SMTN: variants seen among roughly 807,000 people sequenced by gnomAD.
SMTN encodes the protein smoothelin.
In SMTN, 58 loss-of-function variants were observed where a neutral mutation model predicts 102.0. The observed-to-expected ratio is 0.57, with a 90% CI of 0.46 to 0.71. SMTN has a LOEUF of 0.71. Ranked by LOEUF, SMTN falls within the 30% of genes least tolerant of loss-of-function variation. The pLI is 0.00. For missense variants in SMTN, 1,185 were observed against 1,241.7 expected, an observed-to-expected ratio of 0.95 and a Z score of 0.69; for synonymous variants, 478 against 497.9, an observed-to-expected ratio of 0.96 and a Z score of 0.53.
chr22:31,087,995 C>T lies in SMTN; in HGVS notation c.82C>T (p.Arg28Trp), dbSNP rs760671053. ...GGTCACAGCAGATCTGGCAGAGCGGCGGCGCATCCGCTCAGCCATCCGGGA... is the reference window on the plus strand; with the variant it reads ...GGTCACAGCAGATCTGGCAGAGCGGTGGCGCATCCGCTCAGCCATCCGGGA... ...LEVTADLAER[R>W]RIRSAIRELQ... is the part of the protein sequence containing the mutation. The change falls in exon 3 of 21, where the codon CGG (arginine) becomes TGG (tryptophan). Residue 28 changes from arginine to tryptophan, a missense_variant. By Grantham distance (101) the Arg-to-Trp change is moderately radical. Transcript: ENST00000333137. 5.2e-5 allele frequency: 84 copies of T among 1,606,954 alleles called. No individual in the cohort carries two copies. The highest frequency in any genetic ancestry group is 6.7e-5 in the East Asian group (3 of 44,714).
At position 31,088,128 on chromosome 22, in the gene SMTN, G is replaced by T; in HGVS notation, c.200+15G>T. The stretch of plus-strand genomic sequence containing the variant: ...AACTGGCTGCAGTGAGTAGCGGGGG[G>T]TGGAACATGCGGGTGAGAAGGTGAG... On this transcript the variant is annotated intron_variant, in intron 3 of 20. Coordinates refer to ENST00000333137, the MANE Select transcript of SMTN (RefSeq NM_134269.3). 1 of 1,582,200 alleles carries T rather than the reference G, an allele frequency of 6.3e-7. No individual in the cohort carries two copies. Among genetic ancestry groups the T allele is most frequent in the Non-Finnish European group, 8.6e-7 (1 of 1,158,882 alleles).
At chr22:31,083,140 G>A in intron 1 of SMTN, 39 bp from the exon 2 acceptor site, 1 of 1,553,396 alleles carries the variant, frequency 6.4e-7, no homozygotes, top group Non-Finnish European at 8.7e-7. Flanking sequence ...GTGGTTTCTG[G>A]AAGCCCCAGC....
At chr22:31,104,292 C>T in intron 20 of SMTN, 24 bp from the exon 21 acceptor site, 1 of 1,611,932 alleles carries the variant, frequency 6.2e-7, no homozygotes, top group Non-Finnish European at 8.5e-7. Flanking sequence ...CGCTGACATC[C>T]AACCCCGTGC....
chr22:31,074,502 T>A (rs1285630455), intron 1 of SMTN, among the ~76,000 whole-genome samples: 1 of 150,652 alleles, frequency 6.6e-6, no homozygotes, highest in East Asian at 2.0e-4. Flanking sequence ...ATAAAACAGG[T>A]GCTGGGGCTG....
upstream of SMTN, among the ~76,000 whole-genome samples, chr22:31,076,784 C>T (rs1487617204): frequency 2.6e-5 from 4 of 152,254 alleles, no homozygotes; most frequent in Non-Finnish European, 5.9e-5. Flanking sequence ...TGCCAAGATT[C>T]AGGTGCTATG....
In SMTN at chr22:31,091,389, A is replaced by T; in HGVS notation, c.1366A>T (p.Ser456Cys). The T allele has an allele frequency of 6.3e-7, 1 of 1,597,634 alleles. No individual in the cohort carries two copies. Among genetic ancestry groups the T allele is most frequent in the Non-Finnish European group, 8.5e-7 (1 of 1,175,402 alleles). ...CGTCGGCACTGCCGAGCCAGGGGGC[A>T]GTATGAAGACCACATTCACCATCGA... Reference protein sequence around the residue: ...VAVGTAEPGGSMKTTFTIEIK... With the variant: ...VAVGTAEPGGCMKTTFTIEIK... Residue 456 changes from serine to cysteine, a missense_variant, in exon 10 of 21, where the codon AGT becomes TGT. Ser to Cys is a moderately radical substitution (Grantham distance 112, BLOSUM62 -1). Around this residue, in one of 2 missense-constraint regions of SMTN, gnomAD observed 1,096 missense variants for 1,112.7 expected, o/e 0.98. Coordinates refer to ENST00000333137, the MANE Select transcript of SMTN (RefSeq NM_134269.3).
At position 31,098,844 on chromosome 22, in the gene SMTN, A is replaced by G. The variant is rs1234545653; in HGVS notation, c.2333+4A>G. 5 of 1,596,354 alleles carry G rather than the reference A, an allele frequency of 3.1e-6. No individual in the cohort carries two copies. The highest frequency in any genetic ancestry group is 4.3e-6 in the Non-Finnish European group (5 of 1,175,762). ...TGGAGAAGGAGGGCGCGGCCGGGTG[A>G]GCTGCAGAAGTGGGCTGGGCAGTGG... On this transcript the variant is annotated splice_donor_region_variant and intron_variant, in intron 17 of 20. Transcript: ENST00000333137.
rs1183121433 is a variant in SMTN at position 31,097,074 on chromosome 22, G to A, written c.2089+14G>A. On this transcript the variant is annotated intron_variant, in intron 15 of 20. Transcript: ENST00000333137. ...GGCGCTCGGAGAGTAAGGCCACCTG[G>A]TGTCGCCCTGTGCCTGCCTGCCTGT... The A allele has an allele frequency of 1.9e-6, 3 of 1,613,080 alleles. No individual in the cohort carries two copies. In the African/African-American group the frequency reaches 4.0e-5, roughly 22 times the overall value.
Position 31,100,867 on chromosome 22 carries a change from G to A in SMTN, c.2604-18G>A. The A allele has an allele frequency of 2.1e-6, 2 of 956,220 alleles. No individual in the cohort carries two copies. Among genetic ancestry groups the A allele is most frequent in the East Asian group, 6.1e-5 (1 of 16,384 alleles). 59.2% of individuals were successfully genotyped at this position (956,220 alleles called of 1,614,324 possible). On this transcript the variant is annotated intron_variant, in intron 19 of 20. Coordinates refer to ENST00000333137, the MANE Select transcript of SMTN (RefSeq NM_134269.3). The stretch of plus-strand genomic sequence containing the variant: ...TGCCCCCGTCCCCCACCCCTTCCCG[G>A]CCCCCTACCCTCCCCAGGACCCATG...
intron 19 of SMTN, among the ~76,000 whole-genome samples, chr22:31,100,217 C>T (rs2043964003): frequency 6.6e-6 from 1 of 152,106 alleles, no homozygotes; most frequent in African/African-American, 2.4e-5. Flanking sequence ...TCCTGCTCTC[C>T]TCCCACTATC....
At chr22:31,093,919 G>C (rs1015540837) in intron 11 of SMTN, 3 of 1,337,010 alleles carry the variant, frequency 2.2e-6, no homozygotes, top group Non-Finnish European at 3.0e-6. Flanking sequence ...TTTGAGCCAG[G>C]CTCTGCCTCC....
chr22:31,097,185 C>T, intron 15 of SMTN, 84 bp from the exon 16 acceptor site: 1 of 1,494,626 alleles, frequency 6.7e-7, no homozygotes, highest in East Asian at 2.3e-5. Flanking sequence ...CTGCGGCTAT[C>T]ACCACCCCTC....
At chr22:31,091,982 G>T in intron 11 of SMTN, 135 bp downstream of exon 11, 1 of 877,096 alleles carries the variant, frequency 1.1e-6, no homozygotes, top group East Asian at 2.7e-5. Flanking sequence ...GAGAGGGAAG[G>T]TGGCTGCTCA....
intron 1 of SMTN, among the ~76,000 whole-genome samples, chr22:31,070,577 G>A (rs1188437964): frequency 6.6e-6 from 1 of 152,090 alleles, no homozygotes; most frequent in East Asian, 1.9e-4. Context: ...TATCTCCTGA[G>A]AGATAACTCC....
At chr22:31,079,619 G>C (rs1466160866), upstream of SMTN, among the ~76,000 whole-genome samples, 3 of 152,234 alleles carry the variant, frequency 2.0e-5, no homozygotes, top group African/African-American at 7.2e-5. Context: ...GTCTTAGAGG[G>C]CGCCTGACCC....
intron 16 of SMTN, 141 bp downstream of exon 16, chr22:31,097,479 G>A (rs191666912): frequency 1.7e-5 from 12 of 698,372 alleles, no homozygotes; most frequent in South Asian, 7.8e-5. Context: ...CGAGGTGGGC[G>A]GATCACTTGA....
At chr22:31,083,126 G>A (rs2042422782) in intron 1 of SMTN, 53 bp from the exon 2 acceptor site, 2 of 1,550,716 alleles carry the variant, frequency 1.3e-6, no homozygotes, top group South Asian at 2.4e-5. Flanking sequence ...GAGCCTAAGT[G>A]CCTGTGGTTT....
At chr22:31,089,624 C>T in intron 6 of SMTN, 75 bp from the exon 7 acceptor site, 1 of 1,426,796 alleles carries the variant, frequency 7.0e-7, no homozygotes, top group Non-Finnish European at 9.6e-7. Flanking sequence ...GGGCACTTGC[C>T]AGCCTGGCCC....
At chr22:31,093,864 C>A (rs1412508643) in intron 11 of SMTN, 1 of 1,574,174 alleles carries the variant, frequency 6.4e-7, no homozygotes, top group Non-Finnish European at 8.6e-7. Context: ...GCACCACCCG[C>A]AGCACTAGTC....
Sources: gnomAD v4.1 joint callset for allele counts (sites outside exome capture counted in the v4.1 genomes callset) on GRCh38, gnomAD v4.1.1 for gene constraint, gnomAD v4.1.1 regional missense constraint, MANE v1.5 for transcripts, NCBI Gene and HGNC (gene_info 2026-07-23, HGNC 2026-07-21) for gene names.